Variants in PRKG1 observed in about 807,000 individuals in gnomAD.
The protein encoded by PRKG1 is cGMP-dependent protein kinase 1.
A neutral mutation model predicts 88.1 loss-of-function variants in PRKG1; 35 were observed. The observed-to-expected ratio is 0.40, with a 90% CI of 0.30 to 0.53. The LOEUF (loss-of-function observed/expected upper bound fraction) is 0.53. PRKG1 is among the 20% of genes least tolerant of loss of function. The pLI, the probability that PRKG1 is intolerant of heterozygous loss-of-function variation, is 0.59. For synonymous variants in PRKG1, 303 were observed against 292.5 expected (o/e 1.04, Z -0.37); for missense variants, 540 against 839.8 (o/e 0.64, Z 4.41).
chr10:51,128,494 ATGT>A (rs545784041), intron 1 of PRKG1, among the ~76,000 whole-genome samples: 6 of 152,224 alleles, frequency 3.9e-5, no homozygotes, highest in Non-Finnish European at 8.8e-5. Context: ...TGAAAAACTA[ATGT>A]TGTGTAGCTT....
chr10:51,766,135 G>A (rs1052938207), intron 3 of PRKG1, among the ~76,000 whole-genome samples: 22 of 151,856 alleles, frequency 1.4e-4, no homozygotes, highest in Admixed American at 1.3e-4. Flanking sequence ...CACCAAGGGT[G>A]AGGTTACAGC....
chr10:52,125,920 CTG>C (rs1274647370), intron 7 of PRKG1: 2 of 152,118 alleles, frequency 1.3e-5, no homozygotes, highest in African/African-American at 4.8e-5. Flanking sequence ...GATCTGGTAA[CTG>C]AGATTGCTAC....
At chr10:51,013,121 A>G (rs114562668) in intron 1 of PRKG1, among the ~76,000 whole-genome samples, 1 of 152,222 alleles carries the variant, frequency 6.6e-6, no homozygotes, top group Non-Finnish European at 1.5e-5. Flanking sequence ...GGTTAAGAAC[A>G]TGAACCAAGG....
intron 5 of PRKG1, among the ~76,000 whole-genome samples, chr10:52,003,086 A>T (rs1844641583): frequency 6.6e-6 from 1 of 152,162 alleles, no homozygotes; most frequent in African/African-American, 2.4e-5. Flanking sequence ...TAAGCCTGCA[A>T]ACTCTTCTTT....
intron 7 of PRKG1, among the ~76,000 whole-genome samples, chr10:52,114,232 T>C (rs186629265): frequency 6.6e-6 from 1 of 152,058 alleles, no homozygotes; most frequent in Non-Finnish European, 1.5e-5. Flanking sequence ...GGAGATAATA[T>C]GATTAGTGGA....
intron 1 of PRKG1, among the ~76,000 whole-genome samples, chr10:51,054,975 A>G (rs1367708377): frequency 6.6e-6 from 1 of 152,192 alleles, no homozygotes; most frequent in Non-Finnish European, 1.5e-5. Flanking sequence ...GTAAATGCCA[A>G]ATACTATTAT....
At chr10:51,052,277 T>A (rs1843571615) in intron 1 of PRKG1, among the ~76,000 whole-genome samples, 2 of 152,194 alleles carry the variant, frequency 1.3e-5, no homozygotes, top group African/African-American at 4.8e-5. Flanking sequence ...TGGCCAAAGA[T>A]AATTTTTGGA....
chr10:51,536,874 C>A (rs1428309917), intron 3 of PRKG1, among the ~76,000 whole-genome samples: 1 of 146,998 alleles, frequency 6.8e-6, no homozygotes, highest in East Asian at 2.0e-4. Flanking sequence ...TTGTTCAATT[C>A]CCATCTATGA....
intron 1 of PRKG1, among the ~76,000 whole-genome samples, chr10:51,109,538 A>G (rs1242145103): frequency 1.3e-5 from 2 of 152,168 alleles, no homozygotes; most frequent in South Asian, 2.1e-4. Context: ...ATCCACCTGC[A>G]AAAATATAAA....
rs1341249954 is a variant in PRKG1, at chr10:51,991,861, C to A, written c.763-62623C>A. Among the ~76,000 whole-genome samples, 3 of 152,238 alleles carry A rather than the reference C, an allele frequency of 2.0e-5. No individual in the cohort carries two copies. The East Asian group carries it at 5.8e-4, about 29-fold the overall frequency. The stretch of plus-strand genomic sequence containing the variant: ...CATACGTGTGCATGTGTCTTTATAG[C>A]AGCATGATTTATAATCCTTTGGGTA... On this transcript the variant is annotated intron_variant, in intron 5 of 17. Transcript: ENST00000373980.
At chr10:51,186,378 T>C (rs1323580580) in intron 2 of PRKG1, among the ~76,000 whole-genome samples, 1 of 151,956 alleles carries the variant, frequency 6.6e-6, no homozygotes, top group Admixed American at 6.6e-5. Flanking sequence ...TTATTTAACT[T>C]CTATGTTCTC....
At chr10:51,495,398 A>C (rs1276384683) in intron 3 of PRKG1, among the ~76,000 whole-genome samples, 1 of 152,174 alleles carries the variant, frequency 6.6e-6, no homozygotes. Flanking sequence ...CCCGACCCTG[A>C]ATCTTTCACA....
At chr10:51,635,334 A>G (rs1255178088) in intron 3 of PRKG1, among the ~76,000 whole-genome samples, 2 of 151,972 alleles carry the variant, frequency 1.3e-5, no homozygotes. Context: ...CCACAGTATG[A>G]AAGTGGAATG....
chr10:51,531,183 G>A (rs998552885), intron 3 of PRKG1, among the ~76,000 whole-genome samples: 10 of 152,180 alleles, frequency 6.6e-5, no homozygotes, highest in African/African-American at 2.2e-4. Context: ...CTTGTAAATG[G>A]TCCTATTATA....
intron 16 of PRKG1, 149 bp downstream of exon 16, chr10:52,289,142 T>C: frequency 1.4e-6 from 1 of 704,280 alleles, no homozygotes; most frequent in East Asian, 2.7e-5. Context: ...AATGCCTTTC[T>C]AGTTGTGATT....
At chr10:52,094,513 A>T (rs148962508) in intron 7 of PRKG1, among the ~76,000 whole-genome samples, 2,022 of 152,254 alleles carry the variant, frequency 0.013, 48 homozygotes, top group African/African-American at 0.045. Flanking sequence ...AAACATTAAA[A>T]CCAAAGAATT....
At chr10:52,107,697 A>G (rs1847459312) in intron 7 of PRKG1, among the ~76,000 whole-genome samples, 1 of 152,224 alleles carries the variant, frequency 6.6e-6, no homozygotes, top group South Asian at 2.1e-4. Context: ...ATGTTTTCAC[A>G]AATTCTTATT....
At chr10:51,119,796 A>G (rs34260225) in intron 1 of PRKG1, among the ~76,000 whole-genome samples, 3,700 of 152,240 alleles carry the variant, frequency 0.024, 75 homozygotes, top group Non-Finnish European at 0.035. Context: ...GAATTTTAAA[A>G]TAAGACTTTG....
chr10:51,721,212 T>TAAAA (rs55873432), intron 3 of PRKG1, among the ~76,000 whole-genome samples: 3 of 122,072 alleles, frequency 2.5e-5, no homozygotes, highest in African/African-American at 6.3e-5. Context: ...CAAGACCTAT[T>TAAAA]AAAAAAAAAA....
Sources: gnomAD v4.1 joint callset for allele counts (sites outside exome capture counted in the v4.1 genomes callset) on GRCh38, gnomAD v4.1.1 for gene constraint, MANE v1.5 for transcripts, NCBI Gene and HGNC (gene_info 2026-07-23, HGNC 2026-07-21) for gene names.